ZCCHC24: variants seen among roughly 807,000 people sequenced by gnomAD.
ZCCHC24 encodes zinc finger CCHC domain-containing protein 24.
ZCCHC24 carries 10 observed loss-of-function variants against 26.2 expected under a neutral mutation model. That is an observed-to-expected ratio of 0.38 (90% CI 0.24 to 0.65). The LOEUF (loss-of-function observed/expected upper bound fraction) is 0.65, where lower values mean the gene tolerates loss of function less well. Ranked by LOEUF, ZCCHC24 falls within the 30% of genes least tolerant of loss-of-function variation. ZCCHC24 has a pLI of 0.54. For synonymous variants in ZCCHC24, 144 were observed against 147.1 expected (o/e 0.98, Z 0.15); for missense variants, 243 against 329.1 (o/e 0.74, Z 2.03).
intron 1 of ZCCHC24, among the ~76,000 whole-genome samples, chr10:79,441,079 A>AACACACACACACACACACACAC (rs55762333): frequency 1.5e-3 from 200 of 135,648 alleles, no homozygotes; most frequent in East Asian, 2.2e-3. Context: ...CTGCCCCCTA[A>AACACACACACACACACACACAC]ACACACACAC....
chr10:79,424,030 A>AG (rs1856994159), intron 2 of ZCCHC24, among the ~76,000 whole-genome samples: 2 of 148,834 alleles, frequency 1.3e-5, no homozygotes, highest in African/African-American at 5.0e-5. Flanking sequence ...AAAAAAAAAA[A>AG]AAAAAGAAAA....
chr10:79,402,818 G>A (rs921280539), intron 2 of ZCCHC24, among the ~76,000 whole-genome samples: 2 of 152,198 alleles, frequency 1.3e-5, no homozygotes, highest in African/African-American at 4.8e-5. Flanking sequence ...TCCACTGAAT[G>A]TGCGGCCTCT....
intron 2 of ZCCHC24, among the ~76,000 whole-genome samples, chr10:79,430,449 T>A (rs1291951240): frequency 6.6e-6 from 1 of 151,558 alleles, no homozygotes; most frequent in Non-Finnish European, 1.5e-5. Flanking sequence ...AGACTGGGGA[T>A]CTCGTATACA....
chr10:79,399,068 T>C (rs549235010), intron 2 of ZCCHC24, among the ~76,000 whole-genome samples: 2 of 152,064 alleles, frequency 1.3e-5, no homozygotes, highest in African/African-American at 4.8e-5. Flanking sequence ...ATAAGAAAAT[T>C]CCTAGGGCCT....
intron 2 of ZCCHC24, among the ~76,000 whole-genome samples, chr10:79,427,634 C>T (rs1028541421): frequency 1.3e-5 from 2 of 151,868 alleles, no homozygotes; most frequent in Non-Finnish European, 2.9e-5. Flanking sequence ...AAAAAATGCC[C>T]TGTGATAAAT....
In ZCCHC24 at chr10:79,386,274, C is replaced by T. The variant is rs767368190; in HGVS notation, c.*71G>A. The T allele has an allele frequency of 1.0e-5, 15 of 1,451,192 alleles. No individual in the cohort carries two copies. In the African/African-American group the frequency reaches 1.4e-4, roughly 13 times the overall value. 89.9% of individuals were successfully genotyped at this position (1,451,192 alleles called of 1,614,324 possible). A position where few individuals can be genotyped will look rare whatever the true frequency, so the allele number is the denominator to read the frequency against. On this transcript the variant is annotated 3_prime_UTR_variant, in exon 4 of 4. Transcript: ENST00000372336. ...ATGCACAGGGCGACACGCAGCCCCTCGGAGTAGCACAGGGAAGCAGCGTCT... is the reference window on the plus strand; with the variant it reads ...ATGCACAGGGCGACACGCAGCCCCTTGGAGTAGCACAGGGAAGCAGCGTCT...
At chr10:79,400,469 T>C (rs2132183650) in intron 2 of ZCCHC24, among the ~76,000 whole-genome samples, 1 of 152,356 alleles carries the variant, frequency 6.6e-6, no homozygotes. Flanking sequence ...CAACCGAAGA[T>C]AACCGCTGCA....
intron 2 of ZCCHC24, among the ~76,000 whole-genome samples, chr10:79,429,338 T>C (rs979206285): frequency 1.3e-5 from 2 of 152,140 alleles, no homozygotes; most frequent in Admixed American, 1.3e-4. Flanking sequence ...ATCCCAGCAC[T>C]TTGGGAGGCT....
At chr10:79,414,726 T>G (rs4620666) in intron 2 of ZCCHC24, among the ~76,000 whole-genome samples, 1 of 151,946 alleles carries the variant, frequency 6.6e-6, no homozygotes, top group Non-Finnish European at 1.5e-5. Flanking sequence ...ACGTCAGAAT[T>G]ACCTGGGGAG....
chr10:79,394,734 C>G, intron 2 of ZCCHC24: 1 of 759,272 alleles, frequency 1.3e-6, no homozygotes, highest in Non-Finnish European at 1.6e-6. Context: ...GAAATTACTT[C>G]CTTAACTCAC....
chr10:79,424,527 GCT>G (rs2132209119), intron 2 of ZCCHC24, among the ~76,000 whole-genome samples: 1 of 152,214 alleles, frequency 6.6e-6, no homozygotes, highest in South Asian at 2.1e-4. Flanking sequence ...TTCAGCTTCT[GCT>G]CACCGCTGTC....
chr10:79,421,864 G>A (rs1344659580), intron 2 of ZCCHC24, among the ~76,000 whole-genome samples: 1 of 152,052 alleles, frequency 6.6e-6, no homozygotes, highest in African/African-American at 2.4e-5. Flanking sequence ...CCTGACCTCA[G>A]GCGATCTGCT....
intron 3 of ZCCHC24, among the ~76,000 whole-genome samples, chr10:79,389,417 C>A (rs1752797251): frequency 6.6e-6 from 1 of 152,162 alleles, no homozygotes. Context: ...TGCATGCCAG[C>A]TCTGCCGCCT....
At chr10:79,415,900 C>T (rs531448414) in intron 2 of ZCCHC24, among the ~76,000 whole-genome samples, 21 of 152,246 alleles carry the variant, frequency 1.4e-4, no homozygotes, top group African/African-American at 4.1e-4. Context: ...AGGCAGCCTC[C>T]GGGAATGGGG....
intron 2 of ZCCHC24, among the ~76,000 whole-genome samples, chr10:79,399,269 A>G (rs990181909): frequency 6.6e-6 from 1 of 152,150 alleles, no homozygotes; most frequent in Non-Finnish European, 1.5e-5. Context: ...CCAAGGGGAG[A>G]AGGAATTTCT....
chr10:79,430,114 A>T (rs1185013968), intron 2 of ZCCHC24, among the ~76,000 whole-genome samples: 1 of 152,184 alleles, frequency 6.6e-6, no homozygotes, highest in Admixed American at 6.5e-5. Context: ...TTTACTAAGC[A>T]CTTCCTGTGT....
At chr10:79,437,850 G>T (rs1022353918) in intron 1 of ZCCHC24, among the ~76,000 whole-genome samples, 1 of 152,220 alleles carries the variant, frequency 6.6e-6, no homozygotes, top group Non-Finnish European at 1.5e-5. Context: ...TTCCCTGCAG[G>T]ACAGTAGGTA....
chr10:79,390,532 C>T (rs1336636265), intron 3 of ZCCHC24, among the ~76,000 whole-genome samples: 1 of 152,208 alleles, frequency 6.6e-6, no homozygotes, highest in African/African-American at 2.4e-5. Context: ...TGAGCTGTGC[C>T]CCCTCCTTGG....
intron 2 of ZCCHC24, among the ~76,000 whole-genome samples, chr10:79,415,989 C>A (rs1444755893): frequency 1.3e-5 from 2 of 152,182 alleles, no homozygotes; most frequent in East Asian, 1.9e-4. Context: ...GACTCTGACC[C>A]AGCAGGACTG....
Sources: allele counts gnomAD v4.1 joint callset (sites outside exome capture counted in the v4.1 genomes callset), GRCh38; gene constraint gnomAD v4.1.1; transcripts MANE v1.5; gene names NCBI Gene and HGNC (gene_info 2026-07-23, HGNC 2026-07-21).